The following COL14A1 variants were observed in gnomAD, a reference collection of about 807,000 sequenced individuals.
The protein encoded by COL14A1 is collagen type XIV alpha 1 chain.
In COL14A1, 136 loss-of-function variants were observed where a neutral mutation model predicts 230.3. The ratio of observed to expected loss-of-function variants is 0.59; its 90% CI spans 0.51 to 0.68. COL14A1 has a LOEUF of 0.68. COL14A1 is among the 30% of genes least tolerant of loss of function. COL14A1 has a pLI of 0.00. For missense variants in COL14A1, 1,976 were observed against 2,215.8 expected (o/e 0.89, Z 2.17); for synonymous variants, 792 against 784.1 (o/e 1.01, Z -0.17).
intron 5 of COL14A1, among the ~76,000 whole-genome samples, chr8:120,179,948 G>A (rs1442674278): frequency 6.6e-6 from 1 of 152,176 alleles, no homozygotes; most frequent in Non-Finnish European, 1.5e-5. Flanking sequence ...AAGCAATGGG[G>A]AAAGGATTTC....
intron 1 of COL14A1, among the ~76,000 whole-genome samples, chr8:120,137,882 A>G (rs890083802): frequency 6.6e-6 from 1 of 152,018 alleles, no homozygotes; most frequent in African/African-American, 2.4e-5. Context: ...TGCTGGGATT[A>G]TGGGTGTGAG....
chr8:120,331,164 T>C (rs1821851063), intron 40 of COL14A1, among the ~76,000 whole-genome samples: 2 of 147,016 alleles, frequency 1.4e-5, no homozygotes, highest in South Asian at 4.3e-4. Context: ...GTGGAAAAGA[T>C]GGCTCACTGG....
intron 41 of COL14A1, 69 bp from the exon 42 acceptor site, chr8:120,332,595 A>T: frequency 7.5e-7 from 1 of 1,330,280 alleles, no homozygotes; most frequent in Non-Finnish European, 1.1e-6. Context: ...ACTCTTGCTT[A>T]AAAGTTGGCT....
chr8:120,337,839 A>T (rs1822137342), intron 42 of COL14A1, among the ~76,000 whole-genome samples: 1 of 152,216 alleles, frequency 6.6e-6, no homozygotes, highest in South Asian at 2.1e-4. Context: ...AATCAAAGGA[A>T]CGATGTCAGA....
chr8:120,153,606 A>G (rs1319600293), intron 2 of COL14A1, among the ~76,000 whole-genome samples: 2 of 152,198 alleles, frequency 1.3e-5, no homozygotes, highest in African/African-American at 4.8e-5. Flanking sequence ...TTAGCATCCT[A>G]AAATATGTTT....
Position 120,305,734 on chromosome 8 carries a change from T to G in COL14A1, c.4402-4275T>G, listed in dbSNP as rs140543729. ...TTTTATTTGTGTTACATATATATTT[T>G]TTGCTTGAGATTGTATTTATTTTTG... On this transcript the variant is annotated intron_variant, in intron 36 of 47. Coordinates refer to ENST00000297848, the MANE Select transcript of COL14A1 (RefSeq NM_021110.4). Among the ~76,000 whole-genome samples the G allele has an allele frequency of 8.0e-3, 1,223 of 152,294 alleles. 18 individuals are homozygous for G. Among genetic ancestry groups the G allele is most frequent in the African/African-American group, 0.027 (1,132 of 41,574 alleles).
intron 2 of COL14A1, among the ~76,000 whole-genome samples, chr8:120,148,191 G>A (rs1815161075): frequency 6.8e-6 from 1 of 147,582 alleles, no homozygotes; most frequent in Non-Finnish European, 1.5e-5. Context: ...CTGTAGCCCA[G>A]GTATGATCTT....
chr8:120,300,923 C>A, intron 36 of COL14A1, 105 bp downstream of exon 36: 1 of 872,964 alleles, frequency 1.1e-6, no homozygotes. Flanking sequence ...CTATTACTCA[C>A]TTAATTGTAG....
At chr8:120,238,382 CT>C (rs994065907) in intron 19 of COL14A1, among the ~76,000 whole-genome samples, 1 of 152,176 alleles carries the variant, frequency 6.6e-6, no homozygotes, top group African/African-American at 2.4e-5. Flanking sequence ...CCAGTCCAAA[CT>C]TCCAGGCAGC....
intron 33 of COL14A1, among the ~76,000 whole-genome samples, chr8:120,288,285 C>A (rs1820269331): frequency 6.6e-6 from 1 of 152,048 alleles, no homozygotes; most frequent in South Asian, 2.1e-4. Flanking sequence ...ATAGTTAATT[C>A]CTTTTTGAAG....
chr8:120,218,204 AAT>A (rs1447269666), intron 14 of COL14A1, among the ~76,000 whole-genome samples: 1 of 139,560 alleles, frequency 7.2e-6, no homozygotes, highest in East Asian at 2.0e-4. Flanking sequence ...TCTATATATA[AAT>A]ATATAATATA....
At chr8:120,263,071 G>A (rs986462175) in intron 24 of COL14A1, 57 bp downstream of exon 24, 13 of 1,484,188 alleles carry the variant, frequency 8.8e-6, no homozygotes, top group Non-Finnish European at 1.2e-5. Flanking sequence ...AGAATTTCAG[G>A]CATCCTGTTT....
At chr8:120,240,183 G>T (rs1222594040) in intron 19 of COL14A1, among the ~76,000 whole-genome samples, 1 of 148,798 alleles carries the variant, frequency 6.7e-6, no homozygotes, top group African/African-American at 2.5e-5. Context: ...TTGCAAAACT[G>T]TTTTTTTTTT....
At position 120,282,371 on chromosome 8, in the gene COL14A1, T is replaced by C. The variant is rs533413840; in HGVS notation, c.3825-1265T>C. On this transcript the variant is annotated intron_variant, in intron 31 of 47. Transcript: ENST00000297848. Reference sequence around the variant, plus strand: ...TATCCTCTGGAGACACCCTCACTGATATACTCCAAAATAATGCTTTACCAG... The same window carrying C: ...TATCCTCTGGAGACACCCTCACTGACATACTCCAAAATAATGCTTTACCAG... 3.9e-5 allele frequency among the ~76,000 whole-genome samples: 6 copies of C among 152,312 alleles called. No individual in the cohort carries two copies. The South Asian group carries it at 1.2e-3, about 32-fold the overall frequency.
rs562462680 is a variant in COL14A1 at position 120,195,804 on chromosome 8, G to A, written c.437-987G>A. ...TCCCACTGCATCCCTCCCATGACAC[G>A]TGGGAATTATGGGAGCTACAGTTCA... is the stretch of plus-strand genomic sequence containing the variant. On this transcript the variant is annotated intron_variant, in intron 5 of 47. Coordinates refer to ENST00000297848, the MANE Select transcript of COL14A1 (RefSeq NM_021110.4). 5.3e-5 allele frequency among the ~76,000 whole-genome samples: 8 copies of A among 152,256 alleles called. No homozygotes were observed. In the South Asian group the frequency reaches 8.3e-4, roughly 16 times the overall value.
In COL14A1 at chr8:120,187,199, A is replaced by G. The variant is rs554204963; in HGVS notation, c.437-9592A>G. ...TTATATAAACCATAATTGGGTCTTT[A>G]ATTTGAATACCATTAGAACAAAACC... On this transcript the variant is annotated intron_variant, in intron 5 of 47. Coordinates refer to ENST00000297848, the MANE Select transcript of COL14A1 (RefSeq NM_021110.4). Among the ~76,000 whole-genome samples the G allele has an allele frequency of 7.9e-5, 12 of 152,356 alleles. No homozygotes were observed. In the South Asian group the frequency reaches 2.5e-3, roughly 32 times the overall value.
At chr8:120,280,661 T>C in intron 29 of COL14A1, 50 bp from the exon 30 acceptor site, 2 of 1,566,004 alleles carry the variant, frequency 1.3e-6, no homozygotes, top group Non-Finnish European at 1.8e-6. Flanking sequence ...AAAGAGTATG[T>C]TTGTGAAATA....
At chr8:120,195,401 CACTT>C (rs1389117770) in intron 5 of COL14A1, among the ~76,000 whole-genome samples, 2 of 152,170 alleles carry the variant, frequency 1.3e-5, no homozygotes, top group Non-Finnish European at 2.9e-5. Flanking sequence ...CCGCCACACA[CACTT>C]AATGATCTCT....
intron 2 of COL14A1, among the ~76,000 whole-genome samples, chr8:120,155,099 A>G (rs1384156622): frequency 6.6e-6 from 1 of 152,110 alleles, no homozygotes; most frequent in Non-Finnish European, 1.5e-5. Flanking sequence ...TTTAACCAAG[A>G]TCTCCTTTTG....
Sources: allele counts gnomAD v4.1 joint callset (sites outside exome capture counted in the v4.1 genomes callset), GRCh38; gene constraint gnomAD v4.1.1; transcripts MANE v1.5; gene names NCBI Gene and HGNC (gene_info 2026-07-23, HGNC 2026-07-21).